Variants in DLG2 observed in about 807,000 individuals in gnomAD.
DLG2 encodes disks large homolog 2.
DLG2 carries 45 observed loss-of-function variants against 132.5 expected under a neutral mutation model. That is an observed-to-expected ratio of 0.34 (90% confidence interval 0.27 to 0.44). The LOEUF (loss-of-function observed/expected upper bound fraction) is 0.44, where lower values mean the gene tolerates loss of function less well. Among genes scored for constraint, DLG2 ranks in the 20% least tolerant of loss-of-function variants. The probability of loss-of-function intolerance (pLI) is 1.00; values close to 1 mark genes in which losing one functional copy is unlikely to be tolerated. For synonymous variants in DLG2, 424 were observed against 419.6 expected, an observed-to-expected ratio of 1.01 and a Z score of -0.13; for missense variants, 1,045 against 1,196.9, an observed-to-expected ratio of 0.87 and a Z score of 1.87.
chr11:83,796,514 C>T (rs2042868929), intron 17 of DLG2, among the ~76,000 whole-genome samples: 1 of 152,180 alleles, frequency 6.6e-6, no homozygotes, highest in African/African-American at 2.4e-5. Context: ...TTTGCTTGTG[C>T]TTGCATACCT....
chr11:83,845,401 G>C (rs1296120609), intron 16 of DLG2, among the ~76,000 whole-genome samples: 1 of 152,150 alleles, frequency 6.6e-6, no homozygotes, highest in Non-Finnish European at 1.5e-5. Flanking sequence ...AAATGAGCTA[G>C]CTCCTCAGAA....
chr11:85,011,074 C>A (rs1220677614), intron 6 of DLG2, among the ~76,000 whole-genome samples: 1 of 152,084 alleles, frequency 6.6e-6, no homozygotes, highest in African/African-American at 2.4e-5. Flanking sequence ...CACTAATTGC[C>A]AATATGCCTC....
intron 6 of DLG2, among the ~76,000 whole-genome samples, chr11:85,013,809 T>G (rs2059345912): frequency 6.6e-6 from 1 of 152,232 alleles, no homozygotes; most frequent in Admixed American, 6.5e-5. Flanking sequence ...TGTGAAATAC[T>G]GGCAGATGAC....
intron 7 of DLG2, among the ~76,000 whole-genome samples, chr11:84,290,101 T>C (rs561950691): frequency 6.6e-6 from 1 of 152,208 alleles, no homozygotes; most frequent in South Asian, 2.1e-4. Flanking sequence ...TGAAATAATA[T>C]GATTAGATGT....
intron 11 of DLG2, among the ~76,000 whole-genome samples, chr11:84,051,606 A>C (rs1375982509): frequency 1.7e-5 from 2 of 120,294 alleles, no homozygotes; most frequent in Non-Finnish European, 3.3e-5. Context: ...GGGGAACATC[A>C]TACACCGGGG....
chr11:84,839,819 C>T (rs542059448), intron 6 of DLG2, among the ~76,000 whole-genome samples: 64 of 152,096 alleles, frequency 4.2e-4, no homozygotes, highest in Non-Finnish European at 7.4e-4. Flanking sequence ...CCCTTCCTTA[C>T]ACCTTATACA....
chr11:85,009,386 G>T (rs1283295175), intron 6 of DLG2, among the ~76,000 whole-genome samples: 1 of 152,042 alleles, frequency 6.6e-6, no homozygotes, highest in Non-Finnish European at 1.5e-5. Context: ...AAAACAAATT[G>T]CTTCCAATGG....
At chr11:84,945,799 G>T (rs1334877719) in intron 6 of DLG2, among the ~76,000 whole-genome samples, 1 of 152,046 alleles carries the variant, frequency 6.6e-6, no homozygotes, top group Non-Finnish European at 1.5e-5. Context: ...ACGTCCACTG[G>T]GATCCAGGAT....
intron 3 of DLG2, among the ~76,000 whole-genome samples, chr11:85,398,463 AT>A (rs1237133534): frequency 2.6e-5 from 4 of 152,032 alleles, no homozygotes; most frequent in Admixed American, 1.3e-4. Context: ...ACACAAAAAA[AT>A]CTTCAAAAAA....
chr11:84,664,031 T>TA (rs1380022198), intron 6 of DLG2, among the ~76,000 whole-genome samples: 4 of 152,160 alleles, frequency 2.6e-5, no homozygotes, highest in African/African-American at 4.8e-5. Flanking sequence ...AATCTCAAAG[T>TA]AAAGTTACAG....
chr11:85,339,672 A>T (rs1463316499), intron 3 of DLG2, among the ~76,000 whole-genome samples: 2 of 152,150 alleles, frequency 1.3e-5, no homozygotes, highest in Admixed American at 6.5e-5. Context: ...TTTTTCAAAA[A>T]TTTTTATTGG....
chr11:84,957,592 A>G (rs541233282), intron 6 of DLG2, among the ~76,000 whole-genome samples: 163 of 152,196 alleles, frequency 1.1e-3, no homozygotes, highest in Non-Finnish European at 2.0e-3. Context: ...CTCAGGCAAA[A>G]TGGGTTACTC....
intron 6 of DLG2, among the ~76,000 whole-genome samples, chr11:85,016,874 C>G (rs1182472394): frequency 6.6e-6 from 1 of 151,516 alleles, no homozygotes; most frequent in Non-Finnish European, 1.5e-5. Flanking sequence ...CCCACAGCCA[C>G]AGCCATCCTC....
At chr11:84,777,936 G>A (rs889687440) in intron 6 of DLG2, among the ~76,000 whole-genome samples, 9 of 152,004 alleles carry the variant, frequency 5.9e-5, no homozygotes, top group Non-Finnish European at 1.2e-4. Context: ...TTCCTTTGCT[G>A]TGCAGAAGAT....
intron 17 of DLG2, among the ~76,000 whole-genome samples, chr11:83,789,386 G>A (rs187587853): frequency 1.4e-5 from 2 of 147,542 alleles, no homozygotes; most frequent in Admixed American, 6.7e-5. Context: ...GGGGCGGGAG[G>A]GGGGGCAGCA....
intron 15 of DLG2, among the ~76,000 whole-genome samples, chr11:83,890,087 G>A (rs2069280698): frequency 6.6e-6 from 1 of 151,864 alleles, no homozygotes; most frequent in African/African-American, 2.4e-5. Flanking sequence ...TTGTGCACAT[G>A]TACCCTAAAA....
At chr11:84,145,444 T>C (rs1484918907) in intron 9 of DLG2, among the ~76,000 whole-genome samples, 2 of 152,208 alleles carry the variant, frequency 1.3e-5, no homozygotes, top group African/African-American at 2.4e-5. Context: ...TAGTGAATAT[T>C]TGTGTATCCA....
intron 6 of DLG2, among the ~76,000 whole-genome samples, chr11:84,658,822 G>C (rs941177865): frequency 6.6e-6 from 1 of 152,164 alleles, no homozygotes; most frequent in Non-Finnish European, 1.5e-5. Context: ...TGAACTATAA[G>C]CCAAGTAACC....
chr11:83,805,951 G>C (rs985519110), intron 17 of DLG2, among the ~76,000 whole-genome samples: 10 of 152,124 alleles, frequency 6.6e-5, no homozygotes, highest in African/African-American at 2.4e-4. Flanking sequence ...GAGAATGCTA[G>C]AGTTCAATGT....
Sources: gnomAD v4.1 joint callset for allele counts (sites outside exome capture counted in the v4.1 genomes callset) on GRCh38, gnomAD v4.1.1 for gene constraint, MANE v1.5 for transcripts, NCBI Gene and HGNC (gene_info 2026-07-23, HGNC 2026-07-21) for gene names.